AGBL4: variants seen among roughly 807,000 people sequenced by gnomAD.
AGBL4 encodes cytosolic carboxypeptidase 6.
In AGBL4, 58 loss-of-function variants were observed where a neutral mutation model predicts 66.4. The ratio of observed to expected loss-of-function variants is 0.87; its 90% CI spans 0.71 to 1.09. The LOEUF is 1.09. AGBL4 is among the 50% of genes least tolerant of loss of function. The pLI, the probability that AGBL4 is intolerant of heterozygous loss-of-function variation, is 0.00. For synonymous variants in AGBL4, 234 were observed against 222.9 expected, an observed-to-expected ratio of 1.05 and a Z score of -0.44; for missense variants, 579 against 631.0, an observed-to-expected ratio of 0.92 and a Z score of 0.88.
chr1:49,192,244 T>A (rs960673249), intron 4 of AGBL4, among the ~76,000 whole-genome samples: 2 of 152,132 alleles, frequency 1.3e-5, no homozygotes, highest in African/African-American at 2.4e-5. Flanking sequence ...TGCTTACATG[T>A]TTTATATATT....
chr1:49,635,500 G>T (rs1461286807), intron 3 of AGBL4, among the ~76,000 whole-genome samples: 1 of 152,084 alleles, frequency 6.6e-6, no homozygotes, highest in East Asian at 1.9e-4. Context: ...TCATGCAAAT[G>T]ACTTGCATCT....
intron 3 of AGBL4, among the ~76,000 whole-genome samples, chr1:49,408,417 T>A (rs1645248524): frequency 6.6e-6 from 1 of 152,248 alleles, no homozygotes; most frequent in Admixed American, 6.5e-5. Flanking sequence ...TGGTTAATAC[T>A]GAGCATCAAC....
intron 2 of AGBL4, among the ~76,000 whole-genome samples, chr1:49,765,913 G>A (rs923967545): frequency 3.9e-5 from 6 of 151,996 alleles, no homozygotes; most frequent in Non-Finnish European, 7.4e-5. Flanking sequence ...TAAATGAAAA[G>A]AATCTTTGAG....
At position 48,721,413 on chromosome 1, in the gene AGBL4, A is replaced by G. The variant is rs1405926950; in HGVS notation, c.635-58172T>C. The stretch of plus-strand genomic sequence containing the variant: ...CAATGGCAGGGAACCAAGGACAATG[A>G]TGCAGGGAATGCCACCTTGACATTT... On this transcript the variant is annotated intron_variant, in intron 6 of 13. Coordinates refer to ENST00000371839, the MANE Select transcript of AGBL4 (RefSeq NM_032785.4). 2.0e-5 allele frequency among the ~76,000 whole-genome samples: 3 copies of G among 152,198 alleles called. No individual in the cohort carries two copies. In the East Asian group the frequency reaches 5.8e-4, roughly 29 times the overall value.
chr1:49,262,665 G>C (rs1488921718), intron 3 of AGBL4, among the ~76,000 whole-genome samples: 1 of 152,124 alleles, frequency 6.6e-6, no homozygotes, highest in Non-Finnish European at 1.5e-5. Context: ...ACAGGTGCTG[G>C]AGAGGATGTG....
At chr1:49,412,474 T>C (rs1470259888) in intron 3 of AGBL4, among the ~76,000 whole-genome samples, 1 of 152,160 alleles carries the variant, frequency 6.6e-6, no homozygotes, top group Non-Finnish European at 1.5e-5. Flanking sequence ...TTTTAATATA[T>C]GAATTCGGGG....
At chr1:49,798,519 A>G (rs542779325) in intron 2 of AGBL4, among the ~76,000 whole-genome samples, 4 of 152,346 alleles carry the variant, frequency 2.6e-5, no homozygotes, top group African/African-American at 9.6e-5. Flanking sequence ...AAGATAAAAC[A>G]TAAAATGCCA....
chr1:48,933,035 A>G (rs752016630), intron 5 of AGBL4, among the ~76,000 whole-genome samples: 27 of 152,010 alleles, frequency 1.8e-4, no homozygotes, highest in Non-Finnish European at 3.4e-4. Context: ...CAAAGATTAT[A>G]TGTGGTTTGC....
intron 3 of AGBL4, among the ~76,000 whole-genome samples, chr1:49,448,919 A>G (rs899141485): frequency 4.0e-5 from 6 of 151,030 alleles, no homozygotes; most frequent in African/African-American, 1.5e-4. Context: ...GGATAAGAAT[A>G]CTATTTAAGA....
At chr1:48,671,469 C>T (rs926474378) in intron 6 of AGBL4, among the ~76,000 whole-genome samples, 2 of 152,198 alleles carry the variant, frequency 1.3e-5, no homozygotes, top group Non-Finnish European at 2.9e-5. Flanking sequence ...ATTCTAGAAT[C>T]AGACAGAAGA....
At chr1:49,395,814 T>C (rs1287674066) in intron 3 of AGBL4, among the ~76,000 whole-genome samples, 2 of 116,226 alleles carry the variant, frequency 1.7e-5, no homozygotes, top group Non-Finnish European at 3.5e-5. Context: ...TATATATGTA[T>C]ACATATATAT....
chr1:49,724,138 G>A (rs1332369404), intron 2 of AGBL4, among the ~76,000 whole-genome samples: 5 of 152,122 alleles, frequency 3.3e-5, no homozygotes. Context: ...AGTAGCCCAA[G>A]AAAAGGGGTA....
At chr1:48,541,174 T>G in intron 11 of AGBL4, among the ~76,000 whole-genome samples, 1 of 152,216 alleles carries the variant, frequency 6.6e-6, no homozygotes, top group East Asian at 1.9e-4. Flanking sequence ...TCCCTTCACA[T>G]GCCTTCCAGG....
intron 3 of AGBL4, among the ~76,000 whole-genome samples, chr1:49,663,787 CAAT>C (rs1646313806): frequency 6.6e-6 from 1 of 151,600 alleles, no homozygotes; most frequent in Admixed American, 6.6e-5. Context: ...AAAATACAAA[CAAT>C]AGGGTTAAAA....
chr1:49,730,827 T>G (rs758263035), intron 2 of AGBL4, among the ~76,000 whole-genome samples: 2 of 152,228 alleles, frequency 1.3e-5, no homozygotes, highest in African/African-American at 4.8e-5. Context: ...GATTTCTGGC[T>G]GGCGAAGTGG....
chr1:48,975,014 T>G (rs1659202022), intron 5 of AGBL4, among the ~76,000 whole-genome samples: 1 of 152,078 alleles, frequency 6.6e-6, no homozygotes, highest in Non-Finnish European at 1.5e-5. Flanking sequence ...TGTTGACAGC[T>G]ACAATATTAT....
At position 49,105,017 on chromosome 1, in the gene AGBL4, A is replaced by T. The variant is rs1014855780; in HGVS notation, c.378-59217T>A. ...CCTAAACCTTCTGTTTCAAACCAGT[A>T]CTAAATATTTTGCTGATATGCATTT... On this transcript the variant is annotated intron_variant, in intron 4 of 13. Coordinates refer to ENST00000371839, the MANE Select transcript of AGBL4 (RefSeq NM_032785.4). Among the ~76,000 whole-genome samples the T allele has an allele frequency of 1.1e-4, 17 of 152,292 alleles. 1 individual carries two copies. In the South Asian group the frequency reaches 3.1e-3, roughly 28 times the overall value.
At chr1:49,925,053 G>A (rs1056647387) in intron 1 of AGBL4, among the ~76,000 whole-genome samples, 3 of 152,218 alleles carry the variant, frequency 2.0e-5, no homozygotes, top group Non-Finnish European at 2.9e-5. Context: ...AAACACCAGC[G>A]AGGTGGCTAA....
intron 4 of AGBL4, among the ~76,000 whole-genome samples, chr1:49,222,013 T>C (rs1175835558): frequency 1.3e-5 from 2 of 152,164 alleles, no homozygotes; most frequent in Admixed American, 6.5e-5. Context: ...GCCTAATTCC[T>C]AATTAGGGCC....
Sources: allele counts gnomAD v4.1 joint callset (sites outside exome capture counted in the v4.1 genomes callset), GRCh38; gene constraint gnomAD v4.1.1; transcripts MANE v1.5; gene names NCBI Gene and HGNC (gene_info 2026-07-23, HGNC 2026-07-21).